The following SEMA4D variants were observed in gnomAD, a reference collection of about 807,000 sequenced individuals.
SEMA4D encodes the protein semaphorin 4D, also known as semaphorin-4D.
Under a neutral mutation model 74.8 loss-of-function variants are expected in SEMA4D, and 22 were observed. The observed-to-expected ratio is 0.29, with a 90% CI of 0.21 to 0.42. SEMA4D has a LOEUF of 0.42. SEMA4D is among the 10% of genes least tolerant of loss of function. The probability of loss-of-function intolerance (pLI) is 1.00; values close to 1 mark genes in which losing one functional copy is unlikely to be tolerated. For synonymous variants in SEMA4D, 445 were observed against 463.7 expected (o/e 0.96, Z 0.52); for missense variants, 937 against 1,118.4 (o/e 0.84, Z 2.31).
intron 2 of SEMA4D, among the ~76,000 whole-genome samples, chr9:89,455,326 C>G (rs1165498234): frequency 6.6e-6 from 1 of 152,222 alleles, no homozygotes; most frequent in Non-Finnish European, 1.5e-5. Flanking sequence ...TGTCCCCGGT[C>G]CACCTCACCC....
chr9:89,446,556 C>CG (rs1253655487), intron 2 of SEMA4D, among the ~76,000 whole-genome samples: 5 of 152,230 alleles, frequency 3.3e-5, no homozygotes, highest in African/African-American at 1.2e-4. Flanking sequence ...ATAAGCACCA[C>CG]GGGGCCTCTC....
At chr9:89,415,279 T>C (rs4615679) in intron 2 of SEMA4D, among the ~76,000 whole-genome samples, 149,560 of 152,298 alleles carry the variant, frequency 0.98, 73,547 homozygotes, top group Non-Finnish European at 1. Flanking sequence ...CCTGCTGCCA[T>C]CTCTAAGGGG....
intron 1 of SEMA4D, among the ~76,000 whole-genome samples, chr9:89,478,285 T>C (rs1303224886): frequency 6.6e-6 from 1 of 152,144 alleles, no homozygotes; most frequent in Non-Finnish European, 1.5e-5. Context: ...CAGGGACAAG[T>C]GCCCTTATAG....
At chr9:89,482,717 A>G (rs1252654386) in intron 1 of SEMA4D, among the ~76,000 whole-genome samples, 1 of 152,202 alleles carries the variant, frequency 6.6e-6, no homozygotes, top group African/African-American at 2.4e-5. Context: ...CTGACACAAA[A>G]TGTCTCAGTG....
At chr9:89,450,420 A>G (rs770508742) in intron 2 of SEMA4D, 37 of 1,332,394 alleles carry the variant, frequency 2.8e-5, no homozygotes, top group African/African-American at 4.3e-5. Context: ...AGATGAGAAG[A>G]AGGCTTGGAT....
intron 1 of SEMA4D, among the ~76,000 whole-genome samples, chr9:89,490,498 G>A (rs1163320537): frequency 3.3e-5 from 5 of 152,170 alleles, no homozygotes; most frequent in Non-Finnish European, 7.3e-5. Flanking sequence ...GCTTTTCACT[G>A]TCAGTGTGGC....
intron 2 of SEMA4D, among the ~76,000 whole-genome samples, chr9:89,453,080 CTG>C (rs977981634): frequency 2.0e-5 from 3 of 152,324 alleles, no homozygotes; most frequent in African/African-American, 7.2e-5. Flanking sequence ...GCTCTCAACT[CTG>C]TGAGACGTGG....
intron 1 of SEMA4D, among the ~76,000 whole-genome samples, chr9:89,470,315 T>C (rs1399750956): frequency 6.6e-6 from 1 of 152,180 alleles, no homozygotes; most frequent in Non-Finnish European, 1.5e-5. Context: ...TCAATTAAAA[T>C]ATGAGCAAGA....
At chr9:89,490,865 G>T (rs977620096) in intron 1 of SEMA4D, among the ~76,000 whole-genome samples, 1 of 152,120 alleles carries the variant, frequency 6.6e-6, no homozygotes, top group Non-Finnish European at 1.5e-5. Flanking sequence ...GAAATTTAGG[G>T]GGATTCTCAG....
chr9:89,400,933 T>A (rs573207533), intron 4 of SEMA4D, among the ~76,000 whole-genome samples: 3 of 152,202 alleles, frequency 2.0e-5, no homozygotes, highest in African/African-American at 7.2e-5. Flanking sequence ...AGACCGAGTG[T>A]GAGCCTGTGT....
chr9:89,385,474 C>G, intron 13 of SEMA4D: 1 of 985,416 alleles, frequency 1.0e-6, no homozygotes, highest in Non-Finnish European at 1.2e-6. Context: ...ATCTCCAGGG[C>G]TCCCTTTGTG....
intron 2 of SEMA4D, among the ~76,000 whole-genome samples, chr9:89,452,613 G>A (rs1288079345): frequency 2.6e-5 from 4 of 152,218 alleles, no homozygotes; most frequent in Non-Finnish European, 4.4e-5. Flanking sequence ...CACCACGCCC[G>A]GCTAATTTTT....
chr9:89,390,947 A>C (rs1839735409), intron 9 of SEMA4D, among the ~76,000 whole-genome samples: 1 of 152,268 alleles, frequency 6.6e-6, no homozygotes, highest in South Asian at 2.1e-4. Context: ...ATTAAGAGCC[A>C]AATGGTGAAA....
intron 1 of SEMA4D, among the ~76,000 whole-genome samples, chr9:89,476,704 T>C (rs1258600234): frequency 6.6e-6 from 1 of 152,166 alleles, no homozygotes; most frequent in African/African-American, 2.4e-5. Flanking sequence ...CACACACCCA[T>C]TAGTTTCACT....
intron 15 of SEMA4D, among the ~76,000 whole-genome samples, chr9:89,380,550 C>G (rs1836796501): frequency 6.6e-6 from 1 of 152,224 alleles, no homozygotes; most frequent in Non-Finnish European, 1.5e-5. Context: ...CAGGAAGACA[C>G]AGAACTGAGG....
At chr9:89,371,648 G>A (rs1248181934) in intron 16 of SEMA4D, among the ~76,000 whole-genome samples, 2 of 94,172 alleles carry the variant, frequency 2.1e-5, no homozygotes, top group Admixed American at 1.0e-4. Flanking sequence ...TGTGTGGGAT[G>A]TGTCTGGGGT....
rs1838515048 is a variant in SEMA4D at position 89,386,420 on chromosome 9, G to C, written c.1393C>G (p.Gln465Glu). 6.2e-7 allele frequency: 1 copy of C among 1,613,978 alleles called. No individual in the cohort carries two copies. Among genetic ancestry groups the C allele is most frequent in the South Asian group, 1.1e-5 (1 of 91,078 alleles). ...ACTGGCTCAAAGTCCTGGAAGAGCT[G>C]GGTCTCCTCGATGATGTGAACAGCG... Reference protein sequence around the residue: ...EHAVHIIEETQLFQDFEPVQT... With the variant: ...EHAVHIIEETELFQDFEPVQT... The change falls in exon 13 of 16, where the codon CAG becomes GAG. Residue 465 changes from glutamine (Q) to glutamate (E), a missense_variant. Transcript: ENST00000422704.
chr9:89,385,266 A>T (rs1838190563), intron 13 of SEMA4D: 2 of 985,246 alleles, frequency 2.0e-6, no homozygotes, highest in African/African-American at 1.7e-5. Flanking sequence ...ACAGAGTGTC[A>T]TTCTCACGAA....
At chr9:89,432,965 T>C (rs1340901831) in intron 2 of SEMA4D, among the ~76,000 whole-genome samples, 1 of 152,226 alleles carries the variant, frequency 6.6e-6, no homozygotes, top group Non-Finnish European at 1.5e-5. Flanking sequence ...GCCAGTCATG[T>C]CCTCAAAGTG....
Sources: allele counts gnomAD v4.1 joint callset (sites outside exome capture counted in the v4.1 genomes callset), GRCh38; gene constraint gnomAD v4.1.1; transcripts MANE v1.5; gene names NCBI Gene and HGNC (gene_info 2026-07-23, HGNC 2026-07-21).